Variants in INPP5D observed in about 807,000 individuals in gnomAD.
INPP5D encodes phosphatidylinositol 3,4,5-trisphosphate 5-phosphatase 1.
Under a neutral mutation model 122.9 loss-of-function variants are expected in INPP5D, and 33 were observed. That is an observed-to-expected ratio of 0.27 (90% CI 0.20 to 0.36). INPP5D has a LOEUF of 0.36. Ranked by LOEUF, INPP5D falls within the 10% of genes least tolerant of loss-of-function variation. The pLI is 1.00. For synonymous variants in INPP5D, 584 were observed against 576.2 expected (o/e 1.01, Z -0.19); for missense variants, 1,053 against 1,412.7 (o/e 0.75, Z 4.08).
intron 2 of INPP5D, among the ~76,000 whole-genome samples, chr2:233,096,595 C>T (rs894710087): frequency 2.0e-5 from 3 of 151,926 alleles, no homozygotes; most frequent in African/African-American, 7.3e-5. Flanking sequence ...GAGGTTGCAG[C>T]GAGCCGAGAT....
intron 5 of INPP5D, among the ~76,000 whole-genome samples, chr2:233,132,885 ATTTTTT>A (rs35276718): frequency 8.5e-6 from 1 of 117,992 alleles, no homozygotes; most frequent in Non-Finnish European, 1.7e-5. Flanking sequence ...ATGAACAAGA[ATTTTTT>A]TTTTTTTTTT....
intron 2 of INPP5D, among the ~76,000 whole-genome samples, chr2:233,081,607 G>C (rs79372448): frequency 6.6e-6 from 1 of 152,122 alleles, no homozygotes; most frequent in African/African-American, 2.4e-5. Context: ...GATGAAATCC[G>C]GGGCCTCATC....
At position 233,153,708 on chromosome 2, in the gene INPP5D, G is replaced by A. The variant is rs146554627; in HGVS notation, c.1031-4605G>A. Among the ~76,000 whole-genome samples, 494 of 152,310 alleles carry A rather than the reference G, an allele frequency of 3.2e-3. 4 individuals carry two copies. The highest frequency in any genetic ancestry group is 0.027 in the East Asian group (140 of 5,186). Reference sequence around the variant, plus strand: ...AACAGATCACACTCCACTCCATGTAGCCAGTGGCTCCTCCTCACTCCTTTG... The same window carrying A: ...AACAGATCACACTCCACTCCATGTAACCAGTGGCTCCTCCTCACTCCTTTG... On this transcript the variant is annotated intron_variant, in intron 9 of 26. Transcript: ENST00000445964.
chr2:233,154,211 C>T (rs1559322477), intron 9 of INPP5D, among the ~76,000 whole-genome samples: 1 of 152,126 alleles, frequency 6.6e-6, no homozygotes, highest in Admixed American at 6.5e-5. Context: ...TGCAATGGCG[C>T]GATCTCAGCT....
At chr2:233,165,547 TGA>T (rs926014870) in intron 13 of INPP5D, among the ~76,000 whole-genome samples, 2 of 151,810 alleles carry the variant, frequency 1.3e-5, no homozygotes, top group Non-Finnish European at 2.9e-5. Context: ...TATGAGTGTG[TGA>T]GTGTCTATGT....
intron 1 of INPP5D, 124 bp downstream of exon 1, chr2:233,060,736 C>T (rs755571238): frequency 1.5e-6 from 2 of 1,309,116 alleles, no homozygotes; most frequent in East Asian, 2.4e-5. Context: ...ACTTCCCCGC[C>T]ACCCTGTCAT....
intron 1 of INPP5D, chr2:233,076,387 TGCAAGACG>T: frequency 6.6e-6 from 1 of 152,334 alleles, no homozygotes; most frequent in Admixed American, 6.5e-5. Context: ...CTATCTCTGA[TGCAAGACG>T]ATTGTATCAA....
Position 233,136,648 on chromosome 2 carries a change from A to G in INPP5D, c.666-3194A>G, listed in dbSNP as rs149823038. Among the ~76,000 whole-genome samples, 152 of 152,310 alleles carry G rather than the reference A, an allele frequency of 1.0e-3. 2 individuals carry two copies. The highest frequency in any genetic ancestry group is 3.5e-3 in the African/African-American group (144 of 41,554). ...ATTCATGAACAAAGATCCAATGTGTACCAACTATCTGCAAGGCACTGTTCC... is the reference window on the plus strand; with the variant it reads ...ATTCATGAACAAAGATCCAATGTGTGCCAACTATCTGCAAGGCACTGTTCC... On this transcript the variant is annotated intron_variant, in intron 5 of 26. Coordinates refer to ENST00000445964, the MANE Select transcript of INPP5D (RefSeq NM_001017915.3).
chr2:233,165,155 G>C (rs1414456958), intron 13 of INPP5D, among the ~76,000 whole-genome samples: 2 of 152,178 alleles, frequency 1.3e-5, no homozygotes, highest in Non-Finnish European at 2.9e-5. Context: ...GTGAGTGTGT[G>C]AGCCTGTGTA....
chr2:233,184,271 C>T, intron 19 of INPP5D, 137 bp from the exon 20 acceptor site: 1 of 1,278,542 alleles, frequency 7.8e-7, no homozygotes, highest in Non-Finnish European at 1.1e-6. Context: ...TTCGCTGTAG[C>T]TTTAGTTCTC....
In INPP5D at chr2:233,127,576, A is replaced by G. The variant is rs113393739; in HGVS notation, c.524+1657A>G. 9.4e-3 allele frequency among the ~76,000 whole-genome samples: 1,432 copies of G among 152,356 alleles called. 8 individuals carry two copies. Among genetic ancestry groups the G allele is most frequent in the African/African-American group, 0.013 (551 of 41,582 alleles). On this transcript the variant is annotated intron_variant, in intron 4 of 26. Coordinates refer to ENST00000445964, the MANE Select transcript of INPP5D (RefSeq NM_001017915.3). ...GTAAAATTAGCCTTCTCAAATAAAC[A>G]TAGTTTACATCTTTATGTCAACACT...
intron 2 of INPP5D, among the ~76,000 whole-genome samples, chr2:233,121,575 G>A (rs1025486056): frequency 6.6e-6 from 1 of 151,244 alleles, no homozygotes; most frequent in African/African-American, 2.5e-5. Flanking sequence ...GAGTGCAGCG[G>A]CGCAATCTCG....
At chr2:233,084,020 G>T (rs1001725921) in intron 2 of INPP5D, among the ~76,000 whole-genome samples, 3 of 152,148 alleles carry the variant, frequency 2.0e-5, no homozygotes, top group African/African-American at 7.2e-5. Context: ...GATTGTTTCA[G>T]TCAAGATGGG....
At position 233,204,698 on chromosome 2, in the gene INPP5D, T is replaced by C; in HGVS notation, c.3548T>C (p.Leu1183Pro). ...HRPEEGPPGP[L>P]GRTAMQ ...CCGGAGGAGGGGCCACCAGGGCCTC[T>C]AGGCAGGACTGCCATGCAGGTGCGC... Residue 1183 changes from leucine to proline, a missense_variant, in exon 26 of 27, where the codon CTA (leucine) becomes CCA (proline). Transcript: ENST00000445964. 2.6e-6 allele frequency: 4 copies of C among 1,541,216 alleles called. No homozygotes were observed. The highest frequency in any genetic ancestry group is 3.5e-6 in the Non-Finnish European group (4 of 1,146,878).
chr2:233,116,529 C>T lies in INPP5D; in HGVS notation c.199-5578C>T, dbSNP rs35310041. 9.8e-3 allele frequency among the ~76,000 whole-genome samples: 1,485 copies of T among 152,198 alleles called. 16 individuals are homozygous for T. Among genetic ancestry groups the T allele is most frequent in the Non-Finnish European group, 0.016 (1,068 of 68,016 alleles). ...TCTCCACCTCCTGGGCTTAAGCAATCTGCCCACCTCGGCCTCTCAAAGTGC... is the reference window on the plus strand; with the variant it reads ...TCTCCACCTCCTGGGCTTAAGCAATTTGCCCACCTCGGCCTCTCAAAGTGC... On this transcript the variant is annotated intron_variant, in intron 2 of 26. Transcript: ENST00000445964.
chr2:233,173,209 A>C (rs1025465650), intron 17 of INPP5D, among the ~76,000 whole-genome samples: 1,193 of 55,276 alleles, frequency 0.022, 12 homozygotes, highest in African/African-American at 0.061. Flanking sequence ...ACTGTGTCTC[A>C]AAAAAAAAAA....
intron 17 of INPP5D, among the ~76,000 whole-genome samples, chr2:233,174,721 G>T (rs551338012): frequency 6.7e-6 from 1 of 148,390 alleles, no homozygotes; most frequent in Non-Finnish European, 1.5e-5. Flanking sequence ...GAATCCGGCA[G>T]ACAGAGGTTG....
intron 25 of INPP5D, among the ~76,000 whole-genome samples, chr2:233,200,687 G>A (rs969057497): frequency 2.6e-5 from 4 of 152,228 alleles, no homozygotes; most frequent in East Asian, 1.9e-4. Flanking sequence ...GGCCAGGCGC[G>A]GTGGCTCACG....
At chr2:233,112,297 C>A (rs149760525) in intron 2 of INPP5D, among the ~76,000 whole-genome samples, 1 of 152,098 alleles carries the variant, frequency 6.6e-6, no homozygotes, top group African/African-American at 2.4e-5. Context: ...CTATTTTATT[C>A]GATGGATTAT....
Sources: allele counts gnomAD v4.1 joint callset (sites outside exome capture counted in the v4.1 genomes callset), GRCh38; gene constraint gnomAD v4.1.1; transcripts MANE v1.5; gene names NCBI Gene and HGNC (gene_info 2026-07-23, HGNC 2026-07-21).